RNF125: variants seen among roughly 807,000 people sequenced by gnomAD.
The protein encoded by RNF125 is ring finger protein 125, also known as E3 ubiquitin-protein ligase RNF125.
RNF125 carries 21 observed loss-of-function variants against 26.0 expected under a neutral mutation model. The ratio of observed to expected loss-of-function variants is 0.81; its 90% confidence interval spans 0.57 to 1.16. The LOEUF is 1.16. RNF125 is among the 50% of genes most tolerant of loss of function. The pLI is 0.00. For synonymous variants in RNF125, 95 were observed against 109.2 expected (o/e 0.87, Z 0.81); for missense variants, 270 against 299.4 (o/e 0.90, Z 0.72).
At chr18:32,037,291 T>G (rs1474762776) in intron 2 of RNF125, 22 bp downstream of exon 2, 3 of 1,510,748 alleles carry the variant, frequency 2.0e-6, no homozygotes, top group Non-Finnish European at 2.7e-6. Flanking sequence ...ACCCCACCTA[T>G]TTTCATGGTT....
chr18:32,051,967 C>T (rs1445619168), intron 4 of RNF125, among the ~76,000 whole-genome samples: 4 of 151,388 alleles, frequency 2.6e-5, no homozygotes, highest in African/African-American at 4.8e-5. Flanking sequence ...GGATTACAGG[C>T]GTGAGCCACC....
intron 1 of RNF125, among the ~76,000 whole-genome samples, chr18:32,030,347 A>T (rs1266018108): frequency 1.3e-5 from 2 of 152,158 alleles, no homozygotes; most frequent in Non-Finnish European, 2.9e-5. Flanking sequence ...CCGGCAGTGA[A>T]TGTACCTAAT....
chr18:32,033,803 G>C (rs1006019774), intron 1 of RNF125, among the ~76,000 whole-genome samples: 1 of 151,110 alleles, frequency 6.6e-6, no homozygotes, highest in African/African-American at 2.4e-5. Context: ...TGGGCAACAA[G>C]AGTGAAATTT....
chr18:32,047,098 T>A (rs2911636), intron 4 of RNF125, among the ~76,000 whole-genome samples: 2 of 151,816 alleles, frequency 1.3e-5, no homozygotes, highest in African/African-American at 4.8e-5. Context: ...GTGCAGTGGC[T>A]TGATCTTGGC....
At chr18:32,060,004 G>C (rs561144288) in intron 4 of RNF125, among the ~76,000 whole-genome samples, 45 of 152,262 alleles carry the variant, frequency 3.0e-4, no homozygotes, top group Admixed American at 2.9e-3. Context: ...CTAGCAAGAG[G>C]ATTTCTTTGG....
intron 4 of RNF125, among the ~76,000 whole-genome samples, chr18:32,057,681 T>C (rs947098823): frequency 1.3e-5 from 2 of 152,134 alleles, no homozygotes; most frequent in African/African-American, 4.8e-5. Context: ...AAAGGTGTTC[T>C]CCATTACAGC....
intron 4 of RNF125, among the ~76,000 whole-genome samples, chr18:32,052,366 G>A (rs1478327530): frequency 1.3e-5 from 2 of 151,716 alleles, no homozygotes; most frequent in Admixed American, 6.6e-5. Flanking sequence ...GGTGGCGCGC[G>A]TCTGTAGTCC....
chr18:32,084,689 A>G, the RNF125 span, among the ~76,000 whole-genome samples: 1 of 152,220 alleles, frequency 6.6e-6, no homozygotes. Flanking sequence ...TGGGAGACAC[A>G]GTGTGGCTAT....
downstream of RNF125, among the ~76,000 whole-genome samples, chr18:32,077,553 G>A (rs1183986424): frequency 6.6e-6 from 1 of 151,756 alleles, no homozygotes; most frequent in African/African-American, 2.4e-5. Context: ...CAGAGGCAGT[G>A]TTTCACCTTG....
downstream of RNF125, among the ~76,000 whole-genome samples, chr18:32,074,986 T>C (rs2039560354): frequency 6.6e-6 from 1 of 152,252 alleles, no homozygotes; most frequent in Non-Finnish European, 1.5e-5. Flanking sequence ...ATGCCAAATA[T>C]GTTCTCTGTC....
intron 4 of RNF125, among the ~76,000 whole-genome samples, chr18:32,052,733 C>G (rs548708819): frequency 6.6e-6 from 1 of 152,186 alleles, no homozygotes; most frequent in African/African-American, 2.4e-5. Flanking sequence ...CATAGATATT[C>G]TGAAGGATCG....
downstream of RNF125, chr18:32,076,319 T>C (rs2039570127): frequency 3.3e-6 from 1 of 301,706 alleles, no homozygotes; most frequent in East Asian, 8.2e-5. Flanking sequence ...TTTGGTTGTT[T>C]TTTTGTTTTT....
At chr18:32,043,357 C>T (rs2039238708) in intron 3 of RNF125, among the ~76,000 whole-genome samples, 1 of 152,152 alleles carries the variant, frequency 6.6e-6, no homozygotes. Context: ...TTCTCTCTCC[C>T]AGAGAAAAAT....
At chr18:32,088,674 G>C in the RNF125 span, among the ~76,000 whole-genome samples, 382 of 152,124 alleles carry the variant, frequency 2.5e-3, 3 homozygotes, top group African/African-American at 9.0e-3. Flanking sequence ...GTTAATTTTT[G>C]TATTTTAGTA....
intron 1 of RNF125, among the ~76,000 whole-genome samples, chr18:32,035,261 T>C (rs191332032): frequency 1.4e-4 from 22 of 152,320 alleles, no homozygotes; most frequent in African/African-American, 5.1e-4. Flanking sequence ...TCTCAATCAC[T>C]GCACAAGTGA....
chr18:32,048,706 T>C (rs1004590844), intron 4 of RNF125, among the ~76,000 whole-genome samples: 3 of 152,168 alleles, frequency 2.0e-5, no homozygotes, highest in African/African-American at 4.8e-5. Context: ...TTGATCTTAA[T>C]GGCCTAGGGA....
At chr18:32,079,546 T>C in the RNF125 span, among the ~76,000 whole-genome samples, 10 of 152,240 alleles carry the variant, frequency 6.6e-5, no homozygotes, top group African/African-American at 2.4e-4. Context: ...CAGCCCTGTG[T>C]CTAAATTTGT....
At chr18:32,050,572 C>T (rs1323601934) in intron 4 of RNF125, among the ~76,000 whole-genome samples, 2 of 151,652 alleles carry the variant, frequency 1.3e-5, no homozygotes, top group Non-Finnish European at 2.9e-5. Context: ...TTCCTGGCTT[C>T]GAGCTATCCT....
At chr18:32,075,720 T>G (rs2039565883), downstream of RNF125, among the ~76,000 whole-genome samples, 1 of 145,724 alleles carries the variant, frequency 6.9e-6, no homozygotes, top group Non-Finnish European at 1.5e-5. Context: ...AAAGGTCCAT[T>G]CCTCATACAG....
Sources: gnomAD v4.1 joint callset for allele counts (sites outside exome capture counted in the v4.1 genomes callset) on GRCh38, gnomAD v4.1.1 for gene constraint, MANE v1.5 for transcripts, NCBI Gene and HGNC (gene_info 2026-07-23, HGNC 2026-07-21) for gene names.